The following HTRA3 variants were observed in gnomAD, a reference collection of about 807,000 sequenced individuals.
HTRA3 encodes the protein serine protease HTRA3.
A neutral mutation model predicts 43.2 loss-of-function variants in HTRA3; 41 were observed. The observed-to-expected ratio is 0.95, with a 90% CI of 0.74 to 1.23. HTRA3 has a LOEUF of 1.23. Among genes scored for constraint, HTRA3 ranks in the 50% most tolerant of loss-of-function variants. The probability of loss-of-function intolerance (pLI) is 0.00; values close to 1 mark genes in which losing one functional copy is unlikely to be tolerated. For synonymous variants in HTRA3, 295 were observed against 287.9 expected, an observed-to-expected ratio of 1.02 and a Z score of -0.25; for missense variants, 628 against 647.1, an observed-to-expected ratio of 0.97 and a Z score of 0.32.
rs537031326 is a variant in HTRA3 at position 8,297,619 on chromosome 4, C to T, written c.1051+3418C>T. Among the ~76,000 whole-genome samples the T allele has an allele frequency of 3.9e-5, 6 of 152,186 alleles. No homozygotes were observed. The East Asian group carries it at 1.2e-3, about 29-fold the overall frequency. ...CTCTGAGGAGGTGACCCACCTCCAG[C>T]AGAGACTGTGGGAAGGGAGTGGGGC... On this transcript the variant is annotated intron_variant, in intron 6 of 8. Coordinates refer to ENST00000307358, the MANE Select transcript of HTRA3 (RefSeq NM_053044.5). The surrounding 1 kb of genome is among the most constrained non-coding windows in gnomAD (Gnocchi z 5.8).
intron 3 of HTRA3, among the ~76,000 whole-genome samples, chr4:8,289,202 G>A (rs568871106): frequency 2.6e-5 from 4 of 152,170 alleles, no homozygotes; most frequent in African/African-American, 7.2e-5. Flanking sequence ...CTCCTGCCTC[G>A]GCCTCCCAAA....
intron 1 of HTRA3, among the ~76,000 whole-genome samples, chr4:8,271,394 G>A (rs926626573): frequency 1.3e-5 from 2 of 152,184 alleles, no homozygotes; most frequent in African/African-American, 2.4e-5. Flanking sequence ...CTTCCCCAGA[G>A]AATTTCAACA....
chr4:8,285,639 C>T (rs1270051029), intron 2 of HTRA3, among the ~76,000 whole-genome samples: 2 of 152,234 alleles, frequency 1.3e-5, no homozygotes, highest in Non-Finnish European at 2.9e-5. Flanking sequence ...CAGGCTGTGT[C>T]TGGCATTCAG....
In HTRA3 at chr4:8,279,041, G is replaced by A. The variant is rs182207412; in HGVS notation, c.386-3396G>A. Among the ~76,000 whole-genome samples the A allele has an allele frequency of 6.6e-6, 1 of 151,386 alleles. No individual in the cohort carries two copies. Among genetic ancestry groups the A allele is most frequent in the African/African-American group, 2.4e-5 (1 of 41,180 alleles). On this transcript the variant is annotated intron_variant, in intron 1 of 8. Transcript: ENST00000307358. This position sits in a 1 kb window ranked among gnomAD's most constrained non-coding sequence, Gnocchi z 7.4. ...TCCCTTCCCTCTGAAATGTCTCAGCGGCTGTCTCACCCTGTGCTGGTTACC... is the reference window on the plus strand; with the variant it reads ...TCCCTTCCCTCTGAAATGTCTCAGCAGCTGTCTCACCCTGTGCTGGTTACC...
rs548509936 is a variant in HTRA3 at position 8,292,333 on chromosome 4, G to A, written c.916G>A (p.Gly306Arg). 9 of 1,612,920 alleles carry A rather than the reference G, an allele frequency of 5.6e-6. No homozygotes were observed. Among genetic ancestry groups the A allele is most frequent in the East Asian group, 2.2e-5 (1 of 44,846 alleles). The part of the protein sequence containing the change: ...TDAIINYGNS[G>R]GPLVNLDGEV... ...CCTCCCCTTGCAGTACGGGAACTCC[G>A]GGGGACCACTGGTGAACCTGGTAAG... The change falls in exon 5 of 9, where the codon GGG becomes AGG. Residue 306 changes from glycine to arginine, a missense_variant. Gly to Arg is a moderately radical substitution (Grantham distance 125, BLOSUM62 -2). Coordinates refer to ENST00000307358, the MANE Select transcript of HTRA3 (RefSeq NM_053044.5).
chr4:8,281,248 A>C (rs1215447744), intron 1 of HTRA3, among the ~76,000 whole-genome samples: 2 of 152,218 alleles, frequency 1.3e-5, no homozygotes, highest in African/African-American at 4.8e-5. Flanking sequence ...GACGATCCAG[A>C]AAACCAGATT....
Position 8,286,918 on chromosome 4 carries a change from T to A in HTRA3, c.708+135T>A. The A allele has an allele frequency of 1.5e-6, 1 of 672,550 alleles. No homozygotes were observed. The highest frequency in any genetic ancestry group is 2.6e-6 in the Non-Finnish European group (1 of 391,020). The allele number at this position is 672,550 out of a possible 1,614,324, so 41.7% of individuals were successfully genotyped here. On this transcript the variant is annotated intron_variant, in intron 3 of 8. Transcript: ENST00000307358. This position sits in a 1 kb window ranked among gnomAD's most constrained non-coding sequence, Gnocchi z 4.9. ...GGAGGAAACTGGGCCCAGGGAGGAC[T>A]GGCAGCTGGCCCAGGGTCACGGCTT...
At chr4:8,288,607 C>G (rs1400212208) in intron 3 of HTRA3, among the ~76,000 whole-genome samples, 1 of 136,538 alleles carries the variant, frequency 7.3e-6, no homozygotes, top group Admixed American at 7.7e-5. Context: ...GGTTCTTGCT[C>G]TGTCACCCAG....
chr4:8,286,835 C>A lies in HTRA3; in HGVS notation c.708+52C>A. The A allele has an allele frequency of 7.1e-7, 1 of 1,414,910 alleles. No homozygotes were observed. The highest frequency in any genetic ancestry group is 1.2e-5 in the South Asian group (1 of 80,818). The allele number at this position is 1,414,910 out of a possible 1,614,324, so 87.6% of individuals were successfully genotyped here. A position where few individuals can be genotyped will look rare whatever the true frequency, so the allele number is the denominator to read the frequency against. On this transcript the variant is annotated intron_variant, in intron 3 of 8. Coordinates refer to ENST00000307358, the MANE Select transcript of HTRA3 (RefSeq NM_053044.5). The surrounding 1 kb of genome is among the most constrained non-coding windows in gnomAD (Gnocchi z 4.9). ...AAGCACCTGGGGCTGGGCATGGTGG[C>A]CTCTTCCCAGACGCCGGAACCCAGA...
At chr4:8,304,991 T>G (rs1713784572) in intron 8 of HTRA3, among the ~76,000 whole-genome samples, 1 of 152,172 alleles carries the variant, frequency 6.6e-6, no homozygotes, top group South Asian at 2.1e-4. Flanking sequence ...TTTGAAGTCT[T>G]CCAGTACTAG....
rs781568781 is a variant in HTRA3 at position 8,306,073 on chromosome 4, A to C, written c.1299A>C (p.Leu433=). 1 of 1,610,742 alleles carries C rather than the reference A, an allele frequency of 6.2e-7. No individual in the cohort carries two copies. Among genetic ancestry groups the C allele is most frequent in the South Asian group, 1.1e-5 (1 of 90,962 alleles). ...CCGTGCTGACCGAGTCTCCTCTCCT[A>C]CTGGAGGTGCGGCGGGGGAACGACG... ...QEAVLTESPL[L]LEVRRGNDDL... is the part of the protein sequence containing the mutation. The change falls in exon 9 of 9, where the codon CTA becomes CTC. Residue 433 remains leucine (L), a synonymous_variant. Transcript: ENST00000307358. The surrounding 1 kb of genome is among the most constrained non-coding windows in gnomAD (Gnocchi z 8.9).
At chr4:8,289,635 C>T (rs1560139154) in intron 3 of HTRA3, among the ~76,000 whole-genome samples, 1 of 152,350 alleles carries the variant, frequency 6.6e-6, no homozygotes, top group East Asian at 1.9e-4. Flanking sequence ...CCTGCAGGCC[C>T]TGGTCAGCAC....
intron 1 of HTRA3, among the ~76,000 whole-genome samples, chr4:8,280,006 A>C (rs779790201): frequency 1.9e-4 from 29 of 152,278 alleles, no homozygotes; most frequent in Non-Finnish European, 3.8e-4. Flanking sequence ...ATTCGGTACA[A>C]CTGGGGCTGC....
At chr4:8,294,315 C>T in intron 6 of HTRA3, 114 bp downstream of exon 6, 4 of 732,180 alleles carry the variant, frequency 5.5e-6, no homozygotes, top group Non-Finnish European at 6.9e-6. Flanking sequence ...GTGAACTTTG[C>T]TCACTACTGG....
intron 8 of HTRA3, among the ~76,000 whole-genome samples, chr4:8,305,109 T>C (rs1033838388): frequency 1.3e-5 from 2 of 152,156 alleles, no homozygotes; most frequent in African/African-American, 4.8e-5. Context: ...ACCAGTTGCC[T>C]CCCCTCCTTA....
chr4:8,289,788 C>T (rs765143561), intron 3 of HTRA3, among the ~76,000 whole-genome samples: 4 of 151,452 alleles, frequency 2.6e-5, no homozygotes, highest in Non-Finnish European at 4.4e-5. Flanking sequence ...ACGGCCTCAC[C>T]TGTGCACCCT....
At chr4:8,280,982 G>C (rs1040794498) in intron 1 of HTRA3, among the ~76,000 whole-genome samples, 8 of 152,206 alleles carry the variant, frequency 5.3e-5, no homozygotes, top group Non-Finnish European at 1.0e-4. Flanking sequence ...GGAGGCCTGC[G>C]GCCTGCGTTC....
chr4:8,304,441 C>A (rs1202032654), intron 8 of HTRA3, among the ~76,000 whole-genome samples, 162 bp downstream of exon 8: 1 of 152,138 alleles, frequency 6.6e-6, no homozygotes, highest in African/African-American at 2.4e-5. Context: ...GGCTGGAGAG[C>A]TGAATGGTCC....
intron 4 of HTRA3, among the ~76,000 whole-genome samples, chr4:8,292,053 C>T (rs1450072783): frequency 6.6e-6 from 1 of 152,168 alleles, no homozygotes; most frequent in Non-Finnish European, 1.5e-5. Flanking sequence ...TCTCCATGCA[C>T]CAGGCGGTGC....
Sources: allele counts gnomAD v4.1 joint callset (sites outside exome capture counted in the v4.1 genomes callset), GRCh38; gene constraint gnomAD v4.1.1; non-coding constraint Gnocchi (gnomAD v3.1); transcripts MANE v1.5; gene names NCBI Gene and HGNC (gene_info 2026-07-23, HGNC 2026-07-21).